Variants in PDE1B observed in about 807,000 individuals in gnomAD.
PDE1B encodes the protein phosphodiesterase 1B, also known as dual specificity calcium/calmodulin-dependent 3',5'-cyclic nucleotide phosphodiesterase 1B.
In PDE1B, 13 loss-of-function variants were observed where a neutral mutation model predicts 66.7. The ratio of observed to expected loss-of-function variants is 0.19; its 90% CI spans 0.13 to 0.31. The LOEUF (loss-of-function observed/expected upper bound fraction) is 0.31. Among genes scored for constraint, PDE1B ranks in the 10% least tolerant of loss-of-function variants. PDE1B has a pLI of 1.00. For synonymous variants in PDE1B, 230 were observed against 253.9 expected (o/e 0.91, Z 0.90); for missense variants, 485 against 682.3 (o/e 0.71, Z 3.22).
intron 2 of PDE1B, among the ~76,000 whole-genome samples, chr12:54,563,748 A>G (rs1957463127): frequency 6.6e-6 from 1 of 152,220 alleles, no homozygotes; most frequent in Non-Finnish European, 1.5e-5. Context: ...GCCCTGTGAA[A>G]TGTTTATTAT....
intron 2 of PDE1B, among the ~76,000 whole-genome samples, chr12:54,560,486 G>A (rs1957391065): frequency 6.6e-6 from 1 of 152,150 alleles, no homozygotes; most frequent in African/African-American, 2.4e-5. Flanking sequence ...CCAATGCGTT[G>A]GGCTTCACCC....
At chr12:54,553,652 T>C (rs1957307052) in intron 2 of PDE1B, among the ~76,000 whole-genome samples, 1 of 152,162 alleles carries the variant, frequency 6.6e-6, no homozygotes, top group Admixed American at 6.5e-5. Flanking sequence ...TCTGGTTCTG[T>C]GGTGCGTGTA....
rs1592376885 is a variant in PDE1B, at chr12:54,567,158, A to G, written c.227+71A>G. Reference sequence around the variant, plus strand: ...GTGTTCCAGAGAGAGGGGTTAAGACAAAGATAGACACATGTGGCATGGACA... The same window carrying G: ...GTGTTCCAGAGAGAGGGGTTAAGACGAAGATAGACACATGTGGCATGGACA... On this transcript the variant is annotated intron_variant, in intron 3 of 15. Transcript: ENST00000243052. 6 of 757,182 alleles carry G rather than the reference A, an allele frequency of 7.9e-6. No homozygotes were observed. The East Asian group carries it at 8.3e-5, about 10-fold the overall frequency. The allele number at this position is 757,182 out of a possible 1,614,324, so 46.9% of individuals were successfully genotyped here. A position where few individuals can be genotyped will look rare whatever the true frequency, so the allele number is the denominator to read the frequency against.
At position 54,573,056 on chromosome 12, in the gene PDE1B, A is replaced by T; in HGVS notation, c.736-92A>T. The T allele has an allele frequency of 1.1e-6, 1 of 939,372 alleles. No individual in the cohort carries two copies. Among genetic ancestry groups the T allele is most frequent in the Non-Finnish European group, 1.7e-6 (1 of 578,318 alleles). 58.2% of individuals were successfully genotyped at this position (939,372 alleles called of 1,614,324 possible). A position where few individuals can be genotyped will look rare whatever the true frequency, so the allele number is the denominator to read the frequency against. ...GAGCTGGCCTGGAAGCATGGAAGGG[A>T]TGGGATGAGTGATCTAGCCTGTGTG... is the stretch of plus-strand genomic sequence containing the variant. On this transcript the variant is annotated intron_variant, in intron 7 of 15. Coordinates refer to ENST00000243052, the MANE Select transcript of PDE1B (RefSeq NM_000924.4). This position sits in a 1 kb window ranked among gnomAD's most constrained non-coding sequence, Gnocchi z 5.2.
At chr12:54,550,163 CG>C (rs1957255323) in intron 2 of PDE1B, 178 bp downstream of exon 2, 2 of 1,421,456 alleles carry the variant, frequency 1.4e-6, no homozygotes, top group East Asian at 5.1e-5. Context: ...AAGGCATGTG[CG>C]GAGCAAGCTG....
chr12:54,569,079 G>A lies in PDE1B; in HGVS notation c.228-105G>A, dbSNP rs1029952201. 11 of 1,473,534 alleles carry A rather than the reference G, an allele frequency of 7.5e-6. No homozygotes were observed. The highest frequency in any genetic ancestry group is 9.0e-6 in the Non-Finnish European group (10 of 1,111,446). The allele number at this position is 1,473,534 out of a possible 1,614,324, so 91.3% of individuals were successfully genotyped here. A position where few individuals can be genotyped will look rare whatever the true frequency, so the allele number is the denominator to read the frequency against. On this transcript the variant is annotated intron_variant, in intron 3 of 15. Transcript: ENST00000243052. This position sits in a 1 kb window ranked among gnomAD's most constrained non-coding sequence, Gnocchi z 4.4. ...AAGGAAACAGGGTTGAAGACAGAGA[G>A]CTGGCATGAGAGTTACTAAATGTGG...
intron 2 of PDE1B, among the ~76,000 whole-genome samples, chr12:54,557,564 ATAGT>A (rs1420463596): frequency 1.3e-5 from 2 of 152,218 alleles, no homozygotes; most frequent in South Asian, 2.1e-4. Context: ...ATCCCCAGAG[ATAGT>A]TAGTAAAATC....
intron 5 of PDE1B, 42 bp from the exon 6 acceptor site, chr12:54,570,199 T>C (rs772851769): frequency 8.3e-7 from 1 of 1,210,800 alleles, no homozygotes; most frequent in South Asian, 1.2e-5. Context: ...CTTCAACCCT[T>C]GCTGCTGCTG....
intron 2 of PDE1B, among the ~76,000 whole-genome samples, chr12:54,555,038 G>A (rs1163016135): frequency 6.6e-6 from 1 of 152,174 alleles, no homozygotes; most frequent in Non-Finnish European, 1.5e-5. Flanking sequence ...AGGAGTGAAG[G>A]CATGTGTCTG....
At chr12:54,559,212 A>C (rs1957374883) in intron 2 of PDE1B, among the ~76,000 whole-genome samples, 2 of 146,456 alleles carry the variant, frequency 1.4e-5, no homozygotes, top group Non-Finnish European at 3.0e-5. Context: ...CTTCCCGAGC[A>C]CCCACCCCTT....
In PDE1B at chr12:54,572,623, G is replaced by C. The variant is rs774744581; in HGVS notation, c.617G>C (p.Ser206Thr). ...RFKIPTVFLM[S>T]FLDALETGYG... ...CAGATTCCCACTGTGTTTTTGATGA[G>C]TTTCCTGGATGCCTTGGAGACAGGC... Residue 206 changes from serine (S) to threonine (T), a missense_variant, in exon 7 of 16, where the codon AGT becomes ACT. By Grantham distance (58) the Ser-to-Thr change is moderately conservative. Around this residue, in one of 4 missense-constraint regions of PDE1B, gnomAD observed 282 missense variants for 453.4 expected, o/e 0.62. Coordinates refer to ENST00000243052, the MANE Select transcript of PDE1B (RefSeq NM_000924.4). The C allele has an allele frequency of 6.2e-7, 1 of 1,613,994 alleles. No individual in the cohort carries two copies. The highest frequency in any genetic ancestry group is 8.5e-7 in the Non-Finnish European group (1 of 1,179,906).
chr12:54,572,546 C>T, intron 6 of PDE1B, 55 bp from the exon 7 acceptor site: 3 of 1,534,656 alleles, frequency 2.0e-6, no homozygotes, highest in South Asian at 1.2e-5. Context: ...GGTCCGTAAT[C>T]ACCACCATTC....
intron 2 of PDE1B, chr12:54,561,540 TG>T: frequency 6.8e-7 from 1 of 1,471,680 alleles, no homozygotes; most frequent in Non-Finnish European, 9.0e-7. Context: ...CTGGGGCTCC[TG>T]GGGTCAGGAT....
chr12:54,573,764 T>G lies in PDE1B; in HGVS notation c.1064+55T>G. ...AGGCCAGAGGGAGGGGTGTGTGAAC[T>G]GGGGGGGTATACACAAGGGTAGTTG... On this transcript the variant is annotated intron_variant, in intron 10 of 15. Coordinates refer to ENST00000243052, the MANE Select transcript of PDE1B (RefSeq NM_000924.4). This position sits in a 1 kb window ranked among gnomAD's most constrained non-coding sequence, Gnocchi z 5.2. 4 of 1,251,678 alleles carry G rather than the reference T, an allele frequency of 3.2e-6. No individual in the cohort carries two copies. The highest frequency in any genetic ancestry group is 1.7e-5 in the Admixed American group (1 of 59,320). 77.5% of individuals were successfully genotyped at this position (1,251,678 alleles called of 1,614,324 possible).
chr12:54,568,750 C>T (rs971001927), intron 3 of PDE1B, among the ~76,000 whole-genome samples: 5 of 151,984 alleles, frequency 3.3e-5, no homozygotes, highest in African/African-American at 4.8e-5. Context: ...GAGCCAAGAT[C>T]GCGCCATTGC....
Position 54,549,790 on chromosome 12 carries a change from T to G in PDE1B, c.-14+18T>G. ...AGCCGCAGGTGGGAAGGGCCTGGGA[T>G]GGGGGGTGAGGGTCTCTCGGCTGGG... On this transcript the variant is annotated intron_variant, in intron 1 of 15. Coordinates refer to ENST00000243052, the MANE Select transcript of PDE1B (RefSeq NM_000924.4). 9.3e-7 allele frequency: 1 copy of G among 1,077,348 alleles called. No homozygotes were observed. Among genetic ancestry groups the G allele is most frequent in the Non-Finnish European group, 1.4e-6 (1 of 713,502 alleles). 66.7% of individuals were successfully genotyped at this position (1,077,348 alleles called of 1,614,324 possible). A position where few individuals can be genotyped will look rare whatever the true frequency, so the allele number is the denominator to read the frequency against.
intron 14 of PDE1B, 161 bp from the exon 15 acceptor site, chr12:54,577,064 A>C (rs1957767830): frequency 1.5e-6 from 1 of 679,724 alleles, no homozygotes; most frequent in Non-Finnish European, 2.5e-6. Flanking sequence ...GAGTTTTAGC[A>C]AGGCTGGAGA....
chr12:54,550,297 G>A, intron 2 of PDE1B: 2 of 1,147,230 alleles, frequency 1.7e-6, no homozygotes, highest in South Asian at 5.1e-5. Context: ...GCTGCAGGAG[G>A]GCAGTAGAGG....
At chr12:54,577,383 G>A in intron 15 of PDE1B, 38 bp downstream of exon 15, 1 of 1,610,074 alleles carries the variant, frequency 6.2e-7, no homozygotes, top group Non-Finnish European at 8.5e-7. Context: ...GAGAGCTGGT[G>A]TCTATCATGG....
Sources: gnomAD v4.1 joint callset for allele counts (sites outside exome capture counted in the v4.1 genomes callset) on GRCh38, gnomAD v4.1.1 for gene constraint, gnomAD v4.1.1 regional missense constraint, Gnocchi (gnomAD v3.1) non-coding constraint, MANE v1.5 for transcripts, NCBI Gene and HGNC (gene_info 2026-07-23, HGNC 2026-07-21) for gene names.